Variants in HRH1 observed in about 807,000 individuals in gnomAD.
HRH1 encodes the protein histamine receptor H1.
In HRH1, 6 loss-of-function variants were observed where a neutral mutation model predicts 10.3. The observed-to-expected ratio is 0.58, with a 90% CI of 0.32 to 1.15. The LOEUF (loss-of-function observed/expected upper bound fraction) is 1.15. Among genes scored for constraint, HRH1 ranks in the 50% most tolerant of loss-of-function variants. The pLI, the probability that HRH1 is intolerant of heterozygous loss-of-function variation, is 0.05. For synonymous variants in HRH1, 242 were observed against 236.7 expected (o/e 1.02, Z -0.21); for missense variants, 514 against 615.3 (o/e 0.84, Z 1.74).
intron 1 of HRH1, among the ~76,000 whole-genome samples, chr3:11,234,984 G>A (rs1939138128): frequency 2.0e-5 from 3 of 152,144 alleles, no homozygotes; most frequent in Admixed American, 2.0e-4. Flanking sequence ...GGGAGGCTGA[G>A]GTGGGCGGAT....
At chr3:11,207,836 G>A (rs1338624335) in intron 1 of HRH1, among the ~76,000 whole-genome samples, 1 of 152,186 alleles carries the variant, frequency 6.6e-6, no homozygotes, top group Non-Finnish European at 1.5e-5. Flanking sequence ...GATCAAGGGA[G>A]AAGAGCGGGC....
intron 1 of HRH1, among the ~76,000 whole-genome samples, chr3:11,207,800 T>C (rs2125032066): frequency 6.6e-6 from 1 of 152,182 alleles, no homozygotes; most frequent in South Asian, 2.1e-4. Context: ...CTCCCCCTAC[T>C]TGGAGGCCCT....
intron 1 of HRH1, among the ~76,000 whole-genome samples, chr3:11,253,930 T>G (rs1575045390): frequency 6.6e-6 from 1 of 152,118 alleles, no homozygotes; most frequent in Admixed American, 6.5e-5. Context: ...TTTTTAGGTT[T>G]AGGGGAAGGG....
chr3:11,169,955 C>A (rs940032887), intron 1 of HRH1, among the ~76,000 whole-genome samples: 19 of 152,220 alleles, frequency 1.2e-4, no homozygotes, highest in Admixed American at 9.2e-4. Context: ...TGTCCCGCAA[C>A]TCTCACTGTC....
In HRH1 at chr3:11,189,787, A is replaced by AT. The variant is rs1372368557; in HGVS notation, c.-36+35234dup. ...AAAAAAATAAATAAATAAAATAAAA[A>AT]TAAAAATAAATAAATAGCCAGGCAT... On this transcript the variant is annotated intron_variant, in intron 1 of 1. Coordinates refer to ENST00000431010, the MANE Select transcript of HRH1 (RefSeq NM_001098212.2). Among the ~76,000 whole-genome samples, 5 of 151,876 alleles carry AT rather than the reference A, an allele frequency of 3.3e-5. No individual in the cohort carries two copies. In the East Asian group the frequency reaches 9.7e-4, roughly 29 times the overall value.
intron 1 of HRH1, among the ~76,000 whole-genome samples, chr3:11,179,855 C>G (rs1282278895): frequency 4.0e-5 from 6 of 151,408 alleles, no homozygotes; most frequent in African/African-American, 1.5e-4. Flanking sequence ...ACTGCAGCCT[C>G]CATCCCCTGG....
intron 1 of HRH1, among the ~76,000 whole-genome samples, chr3:11,237,816 C>G (rs1047503599): frequency 6.6e-6 from 1 of 151,806 alleles, no homozygotes; most frequent in African/African-American, 2.4e-5. Context: ...GCTGGGATTA[C>G]AAGCATGCGC....
At chr3:11,198,928 A>T (rs867708957) in intron 1 of HRH1, among the ~76,000 whole-genome samples, 7 of 140,364 alleles carry the variant, frequency 5.0e-5, no homozygotes, top group South Asian at 2.3e-4. Flanking sequence ...ACACACACAC[A>T]TTTTTTTTTT....
intron 1 of HRH1, among the ~76,000 whole-genome samples, chr3:11,227,973 C>T (rs114127360): frequency 3.3e-5 from 5 of 152,196 alleles, no homozygotes. Flanking sequence ...TTCACATTTC[C>T]ATCTCTAGTG....
intron 1 of HRH1, among the ~76,000 whole-genome samples, chr3:11,235,742 C>T (rs1431687704): frequency 6.6e-6 from 1 of 152,270 alleles, no homozygotes; most frequent in Non-Finnish European, 1.5e-5. Context: ...CTGCCCTCCC[C>T]ACTTCACCTC....
At chr3:11,219,058 T>A (rs1938609975) in intron 1 of HRH1, among the ~76,000 whole-genome samples, 1 of 151,916 alleles carries the variant, frequency 6.6e-6, no homozygotes, top group Non-Finnish European at 1.5e-5. Context: ...CCCAGCTAAT[T>A]TTTTGTATTT....
At chr3:11,210,351 T>C (rs866706928) in intron 1 of HRH1, among the ~76,000 whole-genome samples, 15 of 151,894 alleles carry the variant, frequency 9.9e-5, no homozygotes, top group Admixed American at 2.6e-4. Flanking sequence ...CTATTGAACG[T>C]GCCAGTGTAT....
At position 11,259,757 on chromosome 3, in the gene HRH1, G is replaced by A. The variant is rs752641172; in HGVS notation, c.720G>A (p.Arg240=). 2 of 1,613,852 alleles carry A rather than the reference G, an allele frequency of 1.2e-6. No individual in the cohort carries two copies. The highest frequency in any genetic ancestry group is 2.7e-5 in the African/African-American group (2 of 74,872). ...SLPSFSEIKL[R]PENPKGDAKK... Reference sequence around the variant, plus strand: ...CTTCCTTCTCAGAAATTAAGCTGAGGCCAGAGAACCCCAAGGGGGATGCCA... The same window carrying A: ...CTTCCTTCTCAGAAATTAAGCTGAGACCAGAGAACCCCAAGGGGGATGCCA... The change falls in exon 2 of 2, where the codon AGG becomes AGA. Residue 240 remains arginine (R), a synonymous_variant. Coordinates refer to ENST00000431010, the MANE Select transcript of HRH1 (RefSeq NM_001098212.2). This position sits in a 1 kb window ranked among gnomAD's most constrained non-coding sequence, Gnocchi z 4.6.
intron 1 of HRH1, among the ~76,000 whole-genome samples, chr3:11,206,549 T>C (rs1938134435): frequency 6.6e-6 from 1 of 152,268 alleles, no homozygotes; most frequent in Admixed American, 6.5e-5. Context: ...CTGACGTCAT[T>C]GTTATTATAG....
At chr3:11,258,242 C>CAAAAAAAAAAA (rs33992856) in intron 1 of HRH1, among the ~76,000 whole-genome samples, 1 of 76,402 alleles carries the variant, frequency 1.3e-5, no homozygotes. Context: ...TGATGTAAGC[C>CAAAAAAAAAAA]AAAAAAAAAA....
chr3:11,248,210 G>T (rs1939542189), intron 1 of HRH1, among the ~76,000 whole-genome samples: 1 of 152,166 alleles, frequency 6.6e-6, no homozygotes, highest in African/African-American at 2.4e-5. Flanking sequence ...GGCTGGTAAG[G>T]CCTAATTGTT....
At chr3:11,187,272 A>G (rs1937464078) in intron 1 of HRH1, among the ~76,000 whole-genome samples, 1 of 152,164 alleles carries the variant, frequency 6.6e-6, no homozygotes, top group Non-Finnish European at 1.5e-5. Context: ...AAACACAGAT[A>G]TTTGTTAAAA....
chr3:11,211,777 T>C (rs1208197348), intron 1 of HRH1, among the ~76,000 whole-genome samples: 2 of 152,248 alleles, frequency 1.3e-5, no homozygotes, highest in Non-Finnish European at 2.9e-5. Context: ...TGTGCCTCCC[T>C]GTGGTCTGAG....
intron 1 of HRH1, among the ~76,000 whole-genome samples, chr3:11,191,224 C>G (rs193196238): frequency 1.0e-3 from 152 of 152,272 alleles, no homozygotes; most frequent in African/African-American, 3.6e-3. Flanking sequence ...ACCTAATTAT[C>G]TGTAACGGGG....
Sources: gnomAD v4.1 joint callset for allele counts (sites outside exome capture counted in the v4.1 genomes callset) on GRCh38, gnomAD v4.1.1 for gene constraint, Gnocchi (gnomAD v3.1) non-coding constraint, MANE v1.5 for transcripts, NCBI Gene and HGNC (gene_info 2026-07-23, HGNC 2026-07-21) for gene names.